RANBP9: variants seen among roughly 807,000 people sequenced by gnomAD.
RANBP9 encodes the protein RAN binding protein 9, also known as ran-binding protein 9.
Under a neutral mutation model 84.3 loss-of-function variants are expected in RANBP9, and 15 were observed. The observed-to-expected ratio is 0.18, with a 90% CI of 0.12 to 0.27. RANBP9 has a LOEUF of 0.27. RANBP9 is among the 10% of genes least tolerant of loss of function. RANBP9 has a pLI of 1.00. For synonymous variants in RANBP9, 392 were observed against 349.6 expected (o/e 1.12, Z -1.35); for missense variants, 809 against 912.8 (o/e 0.89, Z 1.46).
intron 1 of RANBP9, among the ~76,000 whole-genome samples, chr6:13,707,705 C>T (rs532529471): frequency 1.1e-4 from 17 of 152,324 alleles, no homozygotes; most frequent in African/African-American, 3.8e-4. Context: ...TCCAGATCCA[C>T]TAGTGTGTGT....
In RANBP9 at chr6:13,711,284, C is replaced by A. The variant is rs1467979430; in HGVS notation, c.222G>T (p.Pro74=). The A allele has an allele frequency of 1.2e-5, 12 of 996,794 alleles. No homozygotes were observed. Among genetic ancestry groups the A allele is most frequent in the Non-Finnish European group, 1.4e-5 (12 of 839,176 alleles). The allele number at this position is 996,794 out of a possible 1,614,324, so 61.7% of individuals were successfully genotyped here. A position where few individuals can be genotyped will look rare whatever the true frequency, so the allele number is the denominator to read the frequency against. ...GCGGGGCCGCGGTGGCCGGGGGCGG[C>A]GGCGGCGGAGGGTGGAGGAGCAGGG... ...AAALLLHPPP[P]PPPATAAPPP... is the part of the protein sequence containing the mutation. Residue 74 remains proline, a synonymous_variant, in exon 1 of 14, where the codon CCG becomes CCT. Transcript: ENST00000011619.
intron 12 of RANBP9, among the ~76,000 whole-genome samples, chr6:13,628,943 T>C (rs961953161): frequency 1.3e-5 from 2 of 151,776 alleles, no homozygotes; most frequent in Admixed American, 6.6e-5. Context: ...AATGTTCATA[T>C]TCTTTGACTC....
At chr6:13,705,617 T>C (rs2113370691) in intron 1 of RANBP9, among the ~76,000 whole-genome samples, 1 of 151,872 alleles carries the variant, frequency 6.6e-6, no homozygotes, top group African/African-American at 2.4e-5. Flanking sequence ...ATCCCAGCAC[T>C]TTGGGAGGAC....
intron 13 of RANBP9, among the ~76,000 whole-genome samples, chr6:13,624,606 A>G (rs1764548333): frequency 6.6e-6 from 1 of 152,224 alleles, no homozygotes; most frequent in African/African-American, 2.4e-5. Context: ...GAAATGCACA[A>G]TATGTGCAGT....
At position 13,642,561 on chromosome 6, in the gene RANBP9, C is replaced by A. The variant is rs748473233; in HGVS notation, c.1143G>T (p.Gly381=). ...KMVSSYLVHH[G]YCATAEAFAR... is the part of the protein sequence containing the mutation. ...CAAAGGCCTCTGCTGTGGCACAGTA[C>A]CCATGGTGGACTAAATAAGATGAAA... is the stretch of plus-strand genomic sequence containing the variant. Residue 381 remains glycine, a synonymous_variant, in exon 7 of 14, where the codon GGG becomes GGT. Coordinates refer to ENST00000011619, the MANE Select transcript of RANBP9 (RefSeq NM_005493.3). 45 of 1,610,256 alleles carry A rather than the reference C, an allele frequency of 2.8e-5. 1 individual carries two copies. The highest frequency in any genetic ancestry group is 3.2e-5 in the Non-Finnish European group (38 of 1,177,496).
intron 8 of RANBP9, among the ~76,000 whole-genome samples, chr6:13,640,825 A>G (rs935644428): frequency 2.0e-5 from 3 of 152,172 alleles, no homozygotes; most frequent in Non-Finnish European, 4.4e-5. Flanking sequence ...TGATGGTTGC[A>G]CAATGATGTG....
intron 1 of RANBP9, among the ~76,000 whole-genome samples, chr6:13,708,098 C>T (rs1758174741): frequency 6.6e-6 from 1 of 152,132 alleles, no homozygotes; most frequent in Admixed American, 6.5e-5. Flanking sequence ...CTTCCAAAAG[C>T]AGTAATTTCA....
At chr6:13,681,152 A>T (rs893422310) in intron 2 of RANBP9, among the ~76,000 whole-genome samples, 3 of 152,212 alleles carry the variant, frequency 2.0e-5, no homozygotes, top group African/African-American at 7.2e-5. Context: ...CATCATGCTA[A>T]GTGATTACAA....
At chr6:13,700,993 G>A (rs192127781) in intron 1 of RANBP9, among the ~76,000 whole-genome samples, 19 of 152,150 alleles carry the variant, frequency 1.2e-4, no homozygotes, top group East Asian at 1.2e-3. Flanking sequence ...CAGAAACACC[G>A]GTATCTTCCT....
chr6:13,658,277 AT>A (rs11323727), intron 3 of RANBP9, among the ~76,000 whole-genome samples: 55,619 of 152,012 alleles, frequency 0.37, 10,514 homozygotes, highest in Admixed American at 0.49. Flanking sequence ...TATATACTAT[AT>A]GTTTTACTAA....
chr6:13,635,425 C>G, intron 10 of RANBP9, among the ~76,000 whole-genome samples: 1 of 151,900 alleles, frequency 6.6e-6, no homozygotes, highest in East Asian at 1.9e-4. Flanking sequence ...GAAGTAAACA[C>G]TCGATGAAAT....
intron 1 of RANBP9, among the ~76,000 whole-genome samples, chr6:13,708,196 AG>A (rs1298668459): frequency 6.6e-6 from 1 of 152,138 alleles, no homozygotes; most frequent in Non-Finnish European, 1.5e-5. Context: ...CCAAGGTGGG[AG>A]GATCACTGGA....
chr6:13,639,514 GATT>G, intron 9 of RANBP9, 46 bp downstream of exon 9: 1 of 1,527,788 alleles, frequency 6.5e-7, no homozygotes, highest in Non-Finnish European at 9.0e-7. Flanking sequence ...AAAGGTTTAA[GATT>G]ATAAAGAGGA....
chr6:13,647,624 A>C (rs1765201033), intron 5 of RANBP9, among the ~76,000 whole-genome samples: 1 of 152,190 alleles, frequency 6.6e-6, no homozygotes, highest in Non-Finnish European at 1.5e-5. Flanking sequence ...AAAAGGATAT[A>C]TATTCAAGTT....
At chr6:13,709,061 G>A (rs555904952) in intron 1 of RANBP9, among the ~76,000 whole-genome samples, 1 of 152,228 alleles carries the variant, frequency 6.6e-6, no homozygotes, top group East Asian at 1.9e-4. Flanking sequence ...TAATAAAGAG[G>A]CCAAGAATAA....
chr6:13,661,127 CTGA>C (rs963740728), intron 2 of RANBP9, among the ~76,000 whole-genome samples: 54 of 152,322 alleles, frequency 3.5e-4, no homozygotes, highest in African/African-American at 1.3e-3. Flanking sequence ...TAAGAATATA[CTGA>C]TATCCCCTGT....
At chr6:13,622,643 G>C (rs1054261840) in intron 13 of RANBP9, 151 bp from the exon 14 acceptor site, 2 of 808,276 alleles carry the variant, frequency 2.5e-6, no homozygotes, top group East Asian at 3.0e-5. Flanking sequence ...GCAAAAGACA[G>C]ATGCCGCCTT....
At chr6:13,649,039 C>T (rs1282203149) in intron 5 of RANBP9, among the ~76,000 whole-genome samples, 3 of 152,160 alleles carry the variant, frequency 2.0e-5, no homozygotes, top group African/African-American at 7.2e-5. Context: ...AGGTGCAGAA[C>T]AATCTAGGTA....
chr6:13,634,593 C>G, intron 10 of RANBP9, 41 bp from the exon 11 acceptor site: 1 of 1,556,228 alleles, frequency 6.4e-7, no homozygotes, highest in South Asian at 1.2e-5. Context: ...AAATATCATA[C>G]TTGCAGCTTA....
Sources: gnomAD v4.1 joint callset for allele counts (sites outside exome capture counted in the v4.1 genomes callset) on GRCh38, gnomAD v4.1.1 for gene constraint, MANE v1.5 for transcripts, NCBI Gene and HGNC (gene_info 2026-07-23, HGNC 2026-07-21) for gene names.